CYB561: variants seen among roughly 807,000 people sequenced by gnomAD.
The protein encoded by CYB561 is cytochrome b561.
A neutral mutation model predicts 25.3 loss-of-function variants in CYB561; 11 were observed. The ratio of observed to expected loss-of-function variants is 0.44; its 90% CI spans 0.27 to 0.72. CYB561 has a LOEUF of 0.72. Ranked by LOEUF, CYB561 falls within the 30% of genes least tolerant of loss-of-function variation. CYB561 has a pLI of 0.18. For synonymous variants in CYB561, 165 were observed against 158.8 expected, an observed-to-expected ratio of 1.04 and a Z score of -0.29; for missense variants, 295 against 334.9, an observed-to-expected ratio of 0.88 and a Z score of 0.93.
chr17:63,444,673 T>C (rs1599124252), intron 1 of CYB561, among the ~76,000 whole-genome samples: 1 of 152,202 alleles, frequency 6.6e-6, no homozygotes, highest in African/African-American at 2.4e-5. Context: ...CACAGGATGG[T>C]CTGCTTTTAA....
chr17:63,445,391 T>A (rs2049413508), intron 1 of CYB561, among the ~76,000 whole-genome samples: 1 of 151,130 alleles, frequency 6.6e-6, no homozygotes, highest in Admixed American at 6.6e-5. Context: ...TTTTTTTTTT[T>A]TTTTTTCATT....
At position 63,434,525 on chromosome 17, in the gene CYB561, G is replaced by T. The variant is rs779395351; in HGVS notation, c.633C>A (p.Phe211Leu). The T allele has an allele frequency of 6.2e-7, 1 of 1,613,390 alleles. No individual in the cohort carries two copies. Among genetic ancestry groups the T allele is most frequent in the African/African-American group, 1.3e-5 (1 of 74,930 alleles). ...ANVLGLLLACFGGAVLYILTR... is the reference protein window; with the variant it reads ...ANVLGLLLACLGGAVLYILTR... ...TCAAGATGTAGAGCACCGCCCCACC[G>T]AAGCAGGCCAGCAGCAGGCCCAGCA... Residue 211 changes from phenylalanine (F) to leucine (L), a missense_variant, in exon 6 of 6, where the codon TTC (phenylalanine) becomes TTA (leucine). Physicochemically the swap from Phe to Leu is conservative, Grantham distance 22. Coordinates refer to ENST00000360793, the MANE Select transcript of CYB561 (RefSeq NM_001915.4).
Position 63,432,370 on chromosome 17 carries a change from C to T in CYB561, c.*2032G>A, listed in dbSNP as rs1424299978. On this transcript the variant is annotated 3_prime_UTR_variant, in exon 6 of 6. Transcript: ENST00000360793. ...CACATTGTATTTCACAGAAGATTGG[C>T]CACAGGCAAAATAAAATAACCCACC... 2.0e-5 allele frequency: 3 copies of T among 152,216 alleles called. No individual in the cohort carries two copies. Among genetic ancestry groups the T allele is most frequent in the Non-Finnish European group, 4.4e-5 (3 of 68,046 alleles). 9.4% of individuals were successfully genotyped at this position (152,216 alleles called of 1,614,324 possible). A position where few individuals can be genotyped will look rare whatever the true frequency, so the allele number is the denominator to read the frequency against.
Position 63,434,513 on chromosome 17 carries a change from C to A in CYB561, c.645G>T (p.Val215=). 1 of 1,613,498 alleles carries A rather than the reference C, an allele frequency of 6.2e-7. No individual in the cohort carries two copies. The highest frequency in any genetic ancestry group is 1.1e-5 in the South Asian group (1 of 91,004). The change falls in exon 6 of 6, where the codon GTG becomes GTT. Residue 215 remains valine (V), a synonymous_variant. Coordinates refer to ENST00000360793, the MANE Select transcript of CYB561 (RefSeq NM_001915.4). ...GLLLACFGGA[V]LYILTRADWK... The stretch of plus-strand genomic sequence containing the variant: ...AGTCGGCCCGGGTCAAGATGTAGAG[C>A]ACCGCCCCACCGAAGCAGGCCAGCA...
At chr17:63,443,616 T>G (rs2049396990) in intron 1 of CYB561, among the ~76,000 whole-genome samples, 1 of 152,216 alleles carries the variant, frequency 6.6e-6, no homozygotes, top group Non-Finnish European at 1.5e-5. Context: ...TTTTTAAAAC[T>G]TATTTTAATT....
rs1364669077 is a variant in CYB561 at position 63,433,178 on chromosome 17, G to A, written c.*1224C>T. ...CTCCCAAGTAGCTGGGACTACAGGCGCCCACCACCACGCCTGGCTAATTTT... is the reference window on the plus strand; with the variant it reads ...CTCCCAAGTAGCTGGGACTACAGGCACCCACCACCACGCCTGGCTAATTTT... On this transcript the variant is annotated 3_prime_UTR_variant, in exon 6 of 6. Coordinates refer to ENST00000360793, the MANE Select transcript of CYB561 (RefSeq NM_001915.4). The A allele has an allele frequency of 1.3e-5, 5 of 371,400 alleles. No homozygotes were observed. The highest frequency in any genetic ancestry group is 4.6e-5 in the Admixed American group (1 of 21,806). The allele number at this position is 371,400 out of a possible 1,614,324, so 23.0% of individuals were successfully genotyped here. A position where few individuals can be genotyped will look rare whatever the true frequency, so the allele number is the denominator to read the frequency against.
chr17:63,437,897 G>A (rs4968773), intron 1 of CYB561: 176,420 of 433,780 alleles, frequency 0.41, 43,761 homozygotes, highest in African/African-American at 0.83. Context: ...CCTGAGATGC[G>A]CATGTCCCCC....
intron 1 of CYB561, among the ~76,000 whole-genome samples, chr17:63,442,396 G>T (rs1393383067): frequency 6.6e-6 from 1 of 152,182 alleles, no homozygotes; most frequent in African/African-American, 2.4e-5. Context: ...TGCAAACCTG[G>T]ACATTGGGTG....
At position 63,436,594 on chromosome 17, in the gene CYB561, A is replaced by T; in HGVS notation, c.203-442T>A. Reference sequence around the variant, plus strand: ...TTGAGGTCCACTGTTGGTCACACTGAGGCAACAAGCAGCCTCTGAGTTCAC... The same window carrying T: ...TTGAGGTCCACTGTTGGTCACACTGTGGCAACAAGCAGCCTCTGAGTTCAC... On this transcript the variant is annotated intron_variant, in intron 2 of 5. Coordinates refer to ENST00000360793, the MANE Select transcript of CYB561 (RefSeq NM_001915.4). This position sits in a 1 kb window ranked among gnomAD's most constrained non-coding sequence, Gnocchi z 4.8. 1 of 170,426 alleles carries T rather than the reference A, an allele frequency of 5.9e-6. No individual in the cohort carries two copies. Among genetic ancestry groups the T allele is most frequent in the Admixed American group, 5.5e-5 (1 of 18,172 alleles). The allele number at this position is 170,426 out of a possible 1,614,324, so 10.6% of individuals were successfully genotyped here. A position where few individuals can be genotyped will look rare whatever the true frequency, so the allele number is the denominator to read the frequency against.
intron 1 of CYB561, among the ~76,000 whole-genome samples, chr17:63,441,734 GCTGTCAGT>G (rs1337294911): frequency 3.3e-5 from 5 of 152,252 alleles, no homozygotes; most frequent in African/African-American, 1.2e-4. Context: ...CTAGGGTGGT[GCTGTCAGT>G]CTTTCCAGAG....
chr17:63,441,265 AACAG>A (rs1176641708), intron 1 of CYB561, among the ~76,000 whole-genome samples: 1 of 152,242 alleles, frequency 6.6e-6, no homozygotes, highest in East Asian at 1.9e-4. Context: ...GTGGGGACCC[AACAG>A]CCTGTGAGCA....
intron 4 of CYB561, 74 bp from the exon 5 acceptor site, chr17:63,435,317 A>G: frequency 6.6e-7 from 1 of 1,522,124 alleles, no homozygotes; most frequent in Non-Finnish European, 8.9e-7. Flanking sequence ...CCAGGCCCAC[A>G]CCCACGTGCC....
intron 1 of CYB561, among the ~76,000 whole-genome samples, chr17:63,441,132 G>A (rs896057521): frequency 5.9e-5 from 9 of 152,224 alleles, no homozygotes; most frequent in African/African-American, 9.6e-5. Context: ...TCGCAGCGAC[G>A]ACTGCCTGCG....
chr17:63,438,731 G>A (rs1285562643), intron 1 of CYB561, among the ~76,000 whole-genome samples: 2 of 152,154 alleles, frequency 1.3e-5, no homozygotes, highest in African/African-American at 2.4e-5. Flanking sequence ...AAAGGAGAGC[G>A]GGTGGTTCCT....
intron 5 of CYB561, 55 bp downstream of exon 5, chr17:63,435,031 T>G (rs1599114703): frequency 6.5e-7 from 1 of 1,538,460 alleles, no homozygotes; most frequent in Non-Finnish European, 8.8e-7. Context: ...GAAGGCAGGG[T>G]GAGGTCTGTG....
chr17:63,433,170 C>T lies in CYB561; in HGVS notation c.*1232G>A. The stretch of plus-strand genomic sequence containing the variant: ...GCCTCAGCCTCCCAAGTAGCTGGGA[C>T]TACAGGCGCCCACCACCACGCCTGG... On this transcript the variant is annotated 3_prime_UTR_variant, in exon 6 of 6. Transcript: ENST00000360793. 2.7e-6 allele frequency: 1 copy of T among 367,508 alleles called. No homozygotes were observed. Among genetic ancestry groups the T allele is most frequent in the Non-Finnish European group, 4.8e-6 (1 of 207,010 alleles). 22.8% of individuals were successfully genotyped at this position (367,508 alleles called of 1,614,324 possible).
chr17:63,439,607 A>G (rs1477345279), intron 1 of CYB561, among the ~76,000 whole-genome samples: 1 of 152,142 alleles, frequency 6.6e-6, no homozygotes, highest in African/African-American at 2.4e-5. Context: ...GCAGTAGAAT[A>G]TGGATCAGCA....
In CYB561 at chr17:63,434,215, G is replaced by A; in HGVS notation, c.*187C>T. The stretch of plus-strand genomic sequence containing the variant: ...GCCACACACAATGAACTGGTCTATA[G>A]CAGCGGAGAAAGGAGAAGCAGAGGA... On this transcript the variant is annotated 3_prime_UTR_variant, in exon 6 of 6. Coordinates refer to ENST00000360793, the MANE Select transcript of CYB561 (RefSeq NM_001915.4). 1 of 599,124 alleles carries A rather than the reference G, an allele frequency of 1.7e-6. No individual in the cohort carries two copies. Among genetic ancestry groups the A allele is most frequent in the Non-Finnish European group, 3.0e-6 (1 of 338,690 alleles). 37.1% of individuals were successfully genotyped at this position (599,124 alleles called of 1,614,324 possible).
chr17:63,435,110 T>C lies in CYB561; in HGVS notation c.539A>G (p.Lys180Arg), dbSNP rs1480595564. The C allele has an allele frequency of 6.2e-7, 1 of 1,613,910 alleles. No homozygotes were observed. Among genetic ancestry groups the C allele is most frequent in the Non-Finnish European group, 8.5e-7 (1 of 1,179,920 alleles). Residue 180 changes from lysine (K) to arginine (R), a missense_variant, in exon 5 of 6, where the codon AAG (lysine) becomes AGG (arginine). Lys to Arg is a conservative substitution (Grantham distance 26). Coordinates refer to ENST00000360793, the MANE Select transcript of CYB561 (RefSeq NM_001915.4). ...LSVGTALLGL[K>R]EALLFNLGGK... is the part of the protein sequence containing the mutation. ...CCCGAGGTTGAACAGCAGTGCCTCC[T>C]TCAGGCCCAGCAGGGCGGTGCCCAC...
Sources: gnomAD v4.1 joint callset for allele counts (sites outside exome capture counted in the v4.1 genomes callset) on GRCh38, gnomAD v4.1.1 for gene constraint, Gnocchi (gnomAD v3.1) non-coding constraint, MANE v1.5 for transcripts, NCBI Gene and HGNC (gene_info 2026-07-23, HGNC 2026-07-21) for gene names.